The following PLA2R1 variants were observed in gnomAD, a reference collection of about 807,000 sequenced individuals.
PLA2R1 encodes phospholipase A2 receptor 1.
Under a neutral mutation model 195.9 loss-of-function variants are expected in PLA2R1, and 158 were observed. That is an observed-to-expected ratio of 0.81 (90% CI 0.71 to 0.92). The LOEUF is 0.92. Among genes scored for constraint, PLA2R1 ranks in the 40% least tolerant of loss-of-function variants. The pLI is 0.00. For missense variants in PLA2R1, 1,626 were observed against 1,764.6 expected, an observed-to-expected ratio of 0.92 and a Z score of 1.41; for synonymous variants, 586 against 598.2, an observed-to-expected ratio of 0.98 and a Z score of 0.30.
intron 1 of PLA2R1, among the ~76,000 whole-genome samples, chr2:160,056,748 C>T (rs865881520): frequency 2.0e-5 from 3 of 152,168 alleles, no homozygotes; most frequent in Non-Finnish European, 4.4e-5. Context: ...ATAGGAGACC[C>T]TCTTCAAGTC....
At chr2:159,985,062 T>C (rs1047054923) in intron 12 of PLA2R1, among the ~76,000 whole-genome samples, 1 of 152,200 alleles carries the variant, frequency 6.6e-6, no homozygotes, top group Non-Finnish European at 1.5e-5. Flanking sequence ...TTTGTTGACA[T>C]ATCAGGGTGA....
chr2:160,043,106 C>T (rs974587586), intron 2 of PLA2R1, among the ~76,000 whole-genome samples: 2 of 152,002 alleles, frequency 1.3e-5, no homozygotes, highest in African/African-American at 2.4e-5. Context: ...GAGCCAGGGA[C>T]GTACTAGAGT....
chr2:159,980,891 A>G (rs1689901362), intron 13 of PLA2R1, among the ~76,000 whole-genome samples: 1 of 152,228 alleles, frequency 6.6e-6, no homozygotes, highest in African/African-American at 2.4e-5. Flanking sequence ...GATGACACAA[A>G]TTAAATTCAA....
At chr2:159,957,276 T>C (rs1323606131) in intron 20 of PLA2R1, among the ~76,000 whole-genome samples, 1 of 152,078 alleles carries the variant, frequency 6.6e-6, no homozygotes, top group African/African-American at 2.4e-5. Flanking sequence ...ACAGAAAAGG[T>C]TGTGGAATTT....
intron 3 of PLA2R1, among the ~76,000 whole-genome samples, chr2:160,036,876 G>C (rs1694194588): frequency 7.0e-6 from 1 of 142,878 alleles, no homozygotes; most frequent in African/African-American, 2.4e-5. Context: ...TGGCTGTGCT[G>C]TTCCCTGGGG....
intron 3 of PLA2R1, among the ~76,000 whole-genome samples, chr2:160,037,435 C>T (rs1194031364): frequency 6.6e-6 from 1 of 152,058 alleles, no homozygotes; most frequent in African/African-American, 2.4e-5. Context: ...TGGCAATAAC[C>T]TCTTTCCCCC....
At position 159,978,893 on chromosome 2, in the gene PLA2R1, A is replaced by G. The variant is rs150179898; in HGVS notation, c.2268+937T>C. On this transcript the variant is annotated intron_variant, in intron 14 of 29. Coordinates refer to ENST00000283243, the MANE Select transcript of PLA2R1 (RefSeq NM_007366.5). ...TTTGGCTACTGATATTTTGCCAATCATGAGATATTATAACATTGTGACTTT... is the reference window on the plus strand; with the variant it reads ...TTTGGCTACTGATATTTTGCCAATCGTGAGATATTATAACATTGTGACTTT... 4.2e-3 allele frequency among the ~76,000 whole-genome samples: 647 copies of G among 152,272 alleles called. 5 individuals carry two copies. The highest frequency in any genetic ancestry group is 0.014 in the Middle Eastern group (4 of 294).
intron 10 of PLA2R1, among the ~76,000 whole-genome samples, chr2:160,006,278 A>G (rs1032089285): frequency 9.2e-5 from 14 of 152,234 alleles, no homozygotes; most frequent in African/African-American, 3.1e-4. Flanking sequence ...CAGAGTTCAC[A>G]CACACCCACC....
chr2:159,985,482 A>C (rs999104460), intron 12 of PLA2R1, among the ~76,000 whole-genome samples: 1 of 152,238 alleles, frequency 6.6e-6, no homozygotes, highest in African/African-American at 2.4e-5. Context: ...TGTGTTTCTG[A>C]CAAGATTGTA....
intron 6 of PLA2R1, 64 bp downstream of exon 6, chr2:160,028,154 A>G: frequency 1.8e-6 from 2 of 1,085,670 alleles, no homozygotes; most frequent in Non-Finnish European, 2.7e-6. Context: ...AAATAGAGAA[A>G]TTTACATATA....
chr2:159,987,215 G>A lies in PLA2R1; in HGVS notation c.1978C>T (p.Pro660Ser). Residue 660 changes from proline (P) to serine (S), a missense_variant, in exon 12 of 30, where the codon CCC becomes TCC. Pro to Ser is a moderately conservative substitution (Grantham distance 74, BLOSUM62 -1). Transcript: ENST00000283243. ...QEKAEYEERW[P>S]FHPCYLDWES... Reference sequence around the variant, plus strand: ...CAGTCCAAATAGCAGGGGTGAAAGGGCCATCTCTCTTCATACTCTGCTTTT... The same window carrying A: ...CAGTCCAAATAGCAGGGGTGAAAGGACCATCTCTCTTCATACTCTGCTTTT... 1 of 1,613,832 alleles carries A rather than the reference G, an allele frequency of 6.2e-7. No homozygotes were observed. Among genetic ancestry groups the A allele is most frequent in the Non-Finnish European group, 8.5e-7 (1 of 1,179,924 alleles).
intron 1 of PLA2R1, among the ~76,000 whole-genome samples, chr2:160,059,523 C>T (rs1573998804): frequency 6.6e-6 from 1 of 152,284 alleles, no homozygotes; most frequent in East Asian, 1.9e-4. Flanking sequence ...AAATACCTGT[C>T]CAGGGTCACA....
At chr2:159,967,789 T>A in intron 19 of PLA2R1, 111 bp from the exon 20 acceptor site, 1 of 910,990 alleles carries the variant, frequency 1.1e-6, no homozygotes, top group Non-Finnish European at 1.5e-6. Context: ...ATTTATTTTT[T>A]AAAATCTAGA....
In PLA2R1 at chr2:160,062,505, G is replaced by A. The variant is rs761568752; in HGVS notation, c.-102C>T. 7.1e-7 allele frequency: 1 copy of A among 1,409,228 alleles called. No individual in the cohort carries two copies. Among genetic ancestry groups the A allele is most frequent in the Non-Finnish European group, 9.2e-7 (1 of 1,088,458 alleles). 87.3% of individuals were successfully genotyped at this position (1,409,228 alleles called of 1,614,324 possible). On this transcript the variant is annotated 5_prime_UTR_variant, in exon 1 of 30. Coordinates refer to ENST00000283243, the MANE Select transcript of PLA2R1 (RefSeq NM_007366.5). ...CACCCGGCCCCGCCGCGCGGAAGCG[G>A]ATCCGTAGCCTCCTCCGCGCCCCAC...
intron 23 of PLA2R1, among the ~76,000 whole-genome samples, chr2:159,952,455 C>T (rs1004845195): frequency 1.3e-5 from 2 of 152,078 alleles, no homozygotes; most frequent in Non-Finnish European, 2.9e-5. Flanking sequence ...TTTAGAAAAC[C>T]TAAAGGACAA....
rs145354671 is a variant in PLA2R1, at chr2:159,944,919, A to T, written c.4131T>A (p.Cys1377Ter). The change falls in exon 28 of 30, where the codon TGT becomes TGA. Residue 1377 changes from cysteine (C) to a stop codon, truncating the protein, a stop_gained. Coordinates refer to ENST00000283243, the MANE Select transcript of PLA2R1 (RefSeq NM_007366.5). LOFTEE classifies it low-confidence loss of function (END_TRUNC). ...SPCQEKKGFI[C>*]KMEADIHTAE... is the part of the protein sequence containing the mutation. ...GACTTTACCTACCTGCCTCCATTTT[A>T]CATATAAAGCCTTTTTTTTCTTGAC... 5.6e-5 allele frequency: 90 copies of T among 1,612,186 alleles called. No homozygotes were observed. In the African/African-American group the frequency reaches 1.1e-3, roughly 19 times the overall value.
rs1287129544 is a variant in PLA2R1, at chr2:160,022,533, T to A, written c.1294+132A>T. 8.6e-6 allele frequency: 4 copies of A among 467,820 alleles called. No individual in the cohort carries two copies. The Admixed American group carries it at 1.5e-4, about 18-fold the overall frequency. 29.0% of individuals were successfully genotyped at this position (467,820 alleles called of 1,614,324 possible). A position where few individuals can be genotyped will look rare whatever the true frequency, so the allele number is the denominator to read the frequency against. ...AATAAATTTGAACTCCTGAATAACA[T>A]TTAGAAACTTTAAATATATGTGCAA... On this transcript the variant is annotated intron_variant, in intron 7 of 29. Coordinates refer to ENST00000283243, the MANE Select transcript of PLA2R1 (RefSeq NM_007366.5).
rs747952988 is a variant in PLA2R1 at position 159,956,496 on chromosome 2, C to T, written c.3022+14G>A. 1 of 1,393,042 alleles carries T rather than the reference C, an allele frequency of 7.2e-7. No homozygotes were observed. The highest frequency in any genetic ancestry group is 1.0e-6 in the Non-Finnish European group (1 of 978,222). 86.3% of individuals were successfully genotyped at this position (1,393,042 alleles called of 1,614,324 possible). On this transcript the variant is annotated intron_variant, in intron 21 of 29. Transcript: ENST00000283243. ...AATGGTTATCTTGGCCTGGTTGGAT[C>T]TTGAGTACTCTACCTTGCTCCACCT...
intron 3 of PLA2R1, among the ~76,000 whole-genome samples, chr2:160,036,080 G>T (rs561395401): frequency 6.6e-6 from 1 of 151,988 alleles, no homozygotes; most frequent in Non-Finnish European, 1.5e-5. Flanking sequence ...TTAAGACTTG[G>T]CCCTGAGCCC....
Sources: gnomAD v4.1 joint callset for allele counts (sites outside exome capture counted in the v4.1 genomes callset) on GRCh38, gnomAD v4.1.1 for gene constraint, MANE v1.5 for transcripts, NCBI Gene and HGNC (gene_info 2026-07-23, HGNC 2026-07-21) for gene names.